The following TMEM50B variants were observed in gnomAD, a reference collection of about 807,000 sequenced individuals.
TMEM50B encodes the protein HCV p7-trans-regulated protein 3.
In TMEM50B, 14 loss-of-function variants were observed where a neutral mutation model predicts 23.4. The observed-to-expected ratio is 0.60, with a 90% CI of 0.39 to 0.93. The LOEUF (loss-of-function observed/expected upper bound fraction) is 0.93. Among genes scored for constraint, TMEM50B ranks in the 40% least tolerant of loss-of-function variants. The probability of loss-of-function intolerance (pLI) is 0.00; values close to 1 mark genes in which losing one functional copy is unlikely to be tolerated. For synonymous variants in TMEM50B, 64 were observed against 62.3 expected (o/e 1.03, Z -0.13); for missense variants, 159 against 193.0 (o/e 0.82, Z 1.04).
At chr21:33,438,710 G>C (rs745965462) in intron 8 of TMEM50B, among the ~76,000 whole-genome samples, 1 of 146,524 alleles carries the variant, frequency 6.8e-6, no homozygotes, top group Non-Finnish European at 1.5e-5. Context: ...TTGGGGCCCT[G>C]TACTGCTGGT....
intron 7 of TMEM50B, among the ~76,000 whole-genome samples, chr21:33,442,836 G>A (rs559837491): frequency 1.3e-5 from 2 of 152,072 alleles, no homozygotes; most frequent in South Asian, 2.1e-4. Flanking sequence ...CATGAGAATC[G>A]CTTGAACCTG....
chr21:33,463,178 G>C (rs1270706673), intron 4 of TMEM50B, among the ~76,000 whole-genome samples: 1 of 152,182 alleles, frequency 6.6e-6, no homozygotes, highest in Non-Finnish European at 1.5e-5. Context: ...TGTAATCCCA[G>C]CTACTCAGGA....
In TMEM50B at chr21:33,450,836, G is replaced by C; in HGVS notation, c.459C>G (p.Thr153=). The change falls in exon 7 of 7, where the codon ACC becomes ACG. Residue 153 remains threonine (T), a synonymous_variant. Transcript: ENST00000542230. ...AGTGATCTCAGGTCCATAGCTCTTC[G>C]GTTCTTCCAAATTTGTAGATCAGAG... ...FSTLIYKFGR[T]EELWT 6.2e-7 allele frequency: 1 copy of C among 1,612,802 alleles called. No homozygotes were observed. Among genetic ancestry groups the C allele is most frequent in the Non-Finnish European group, 8.5e-7 (1 of 1,179,384 alleles).
At chr21:33,452,792 C>A (rs1177098585) in intron 6 of TMEM50B, among the ~76,000 whole-genome samples, 1 of 152,044 alleles carries the variant, frequency 6.6e-6, no homozygotes, top group Non-Finnish European at 1.5e-5. Context: ...GAAAATAGGT[C>A]CAAAATGAAG....
chr21:33,455,809 T>A, intron 5 of TMEM50B, 25 bp from the exon 6 acceptor site: 1 of 1,581,810 alleles, frequency 6.3e-7, no homozygotes, highest in African/African-American at 1.3e-5. Context: ...TAAAACAGAT[T>A]AGACGGTTAT....
intron 7 of TMEM50B, among the ~76,000 whole-genome samples, chr21:33,442,925 A>G (rs1328319393): frequency 6.6e-6 from 1 of 152,096 alleles, no homozygotes; most frequent in Non-Finnish European, 1.5e-5. Flanking sequence ...TGTCTCAAAA[A>G]AAAAAACAAA....
chr21:33,452,920 G>A (rs767426099), intron 6 of TMEM50B, among the ~76,000 whole-genome samples: 2 of 151,536 alleles, frequency 1.3e-5, no homozygotes, highest in African/African-American at 2.4e-5. Flanking sequence ...AAGAGGGCAT[G>A]AGCATGTTAA....
chr21:33,476,671 G>T (rs966351576), intron 1 of TMEM50B, among the ~76,000 whole-genome samples: 1 of 139,268 alleles, frequency 7.2e-6, no homozygotes, highest in African/African-American at 2.7e-5. Flanking sequence ...TGAGGCAGGA[G>T]AATGGTGTGA....
chr21:33,475,521 T>C (rs1400142167), intron 1 of TMEM50B, among the ~76,000 whole-genome samples: 1 of 152,052 alleles, frequency 6.6e-6, no homozygotes, highest in Non-Finnish European at 1.5e-5. Flanking sequence ...TACTTTTTTG[T>C]ATTTTTAGTA....
chr21:33,432,721 T>G, exon 9 of TMEM50B: 1 of 1,614,172 alleles, frequency 6.2e-7, no homozygotes, highest in Non-Finnish European at 8.5e-7. Context: ...TAGCCTCCAC[T>G]GAGCTTCAGC....
At chr21:33,441,711 C>T (rs796977284) in intron 7 of TMEM50B, among the ~76,000 whole-genome samples, 11 of 152,318 alleles carry the variant, frequency 7.2e-5, no homozygotes, top group African/African-American at 2.6e-4. Context: ...CTCACTGCAA[C>T]GTCTGCCTCC....
intron 6 of TMEM50B, 124 bp from the exon 7 acceptor site, chr21:33,450,987 G>C: frequency 1.3e-6 from 1 of 754,860 alleles, no homozygotes; most frequent in Non-Finnish European, 2.2e-6. Context: ...AATTAAATTA[G>C]ACATCATGGC....
chr21:33,453,030 C>T (rs912283591), intron 6 of TMEM50B, among the ~76,000 whole-genome samples: 1 of 152,194 alleles, frequency 6.6e-6, no homozygotes, highest in Non-Finnish European at 1.5e-5. Flanking sequence ...ATAGATTAGA[C>T]ATTGCAGAAG....
intron 1 of TMEM50B, among the ~76,000 whole-genome samples, chr21:33,476,367 G>C (rs1189849918): frequency 6.6e-6 from 1 of 151,594 alleles, no homozygotes; most frequent in Non-Finnish European, 1.5e-5. Context: ...TGGGCAACAA[G>C]AGCAAAACTC....
intron 3 of TMEM50B, 58 bp downstream of exon 3, chr21:33,466,952 T>C (rs1568984553): frequency 1.4e-6 from 2 of 1,428,878 alleles, no homozygotes. Flanking sequence ...CACTGCACAT[T>C]AACAGGAAAG....
At chr21:33,473,654 C>CAAAAA (rs145070351) in intron 1 of TMEM50B, among the ~76,000 whole-genome samples, 3 of 118,956 alleles carry the variant, frequency 2.5e-5, no homozygotes, top group Admixed American at 8.7e-5. Context: ...GACCTTGTCT[C>CAAAAA]AAAAAAAAAA....
intron 1 of TMEM50B, 86 bp from the exon 2 acceptor site, chr21:33,469,012 CACA>C: frequency 1.4e-6 from 1 of 698,024 alleles, no homozygotes; most frequent in Non-Finnish European, 2.4e-6. Flanking sequence ...AAGCTTTACA[CACA>C]ACTTTACTTT....
At chr21:33,461,555 G>C (rs1469080794) in intron 4 of TMEM50B, among the ~76,000 whole-genome samples, 2 of 152,056 alleles carry the variant, frequency 1.3e-5, no homozygotes, top group African/African-American at 4.8e-5. Flanking sequence ...TGTAATCCTA[G>C]AAATTTGGGA....
At chr21:33,434,000 C>T (rs989698664) in intron 8 of TMEM50B, among the ~76,000 whole-genome samples, 1 of 152,120 alleles carries the variant, frequency 6.6e-6, no homozygotes, top group African/African-American at 2.4e-5. Context: ...GGCCCTAAGG[C>T]AGAGTCAACA....
Sources: allele counts gnomAD v4.1 joint callset (sites outside exome capture counted in the v4.1 genomes callset), GRCh38; gene constraint gnomAD v4.1.1; transcripts MANE v1.5; gene names NCBI Gene and HGNC (gene_info 2026-07-23, HGNC 2026-07-21).